Variants in CEP112 observed in about 807,000 individuals in gnomAD.
CEP112 encodes the protein centrosomal protein of 112 kDa.
A neutral mutation model predicts 153.0 loss-of-function variants in CEP112; 127 were observed. That is an observed-to-expected ratio of 0.83 (90% CI 0.72 to 0.96). The LOEUF (loss-of-function observed/expected upper bound fraction) is 0.96. Ranked by LOEUF, CEP112 falls within the 40% of genes least tolerant of loss-of-function variation. The pLI is 0.00. For synonymous variants in CEP112, 358 were observed against 374.4 expected (o/e 0.96, Z 0.51); for missense variants, 1,089 against 1,101.2 (o/e 0.99, Z 0.16).
At chr17:66,062,300 A>G (rs1256464891) in intron 11 of CEP112, among the ~76,000 whole-genome samples, 1 of 152,122 alleles carries the variant, frequency 6.6e-6, no homozygotes, top group Non-Finnish European at 1.5e-5. Flanking sequence ...AAAATGGACA[A>G]TAATATAGGA....
At chr17:65,716,085 A>T (rs1442957469) in intron 23 of CEP112, among the ~76,000 whole-genome samples, 1 of 152,212 alleles carries the variant, frequency 6.6e-6, no homozygotes, top group East Asian at 1.9e-4. Flanking sequence ...CTGGATATAA[A>T]GCAAAGAATA....
intron 21 of CEP112, among the ~76,000 whole-genome samples, chr17:65,771,296 G>A (rs2053342411): frequency 1.3e-5 from 2 of 151,906 alleles, no homozygotes; most frequent in African/African-American, 2.4e-5. Context: ...AGATACAGAG[G>A]GGCATTTCAC....
At chr17:65,971,347 T>C (rs1414674947) in intron 17 of CEP112, among the ~76,000 whole-genome samples, 3 of 152,224 alleles carry the variant, frequency 2.0e-5, no homozygotes, top group Admixed American at 6.5e-5. Flanking sequence ...TGTATATGTA[T>C]TTCAGGAACA....
At chr17:65,906,560 T>C (rs1568206277) in intron 19 of CEP112, among the ~76,000 whole-genome samples, 1 of 152,182 alleles carries the variant, frequency 6.6e-6, no homozygotes, top group Non-Finnish European at 1.5e-5. Context: ...AAATGTATTT[T>C]GCATCTCAGA....
intron 18 of CEP112, among the ~76,000 whole-genome samples, chr17:65,959,826 T>C (rs2062133265): frequency 6.6e-6 from 1 of 152,222 alleles, no homozygotes. Context: ...CTTGCTCACA[T>C]ACCCCTTGCT....
Position 65,696,723 on chromosome 17 carries a change from G to C in CEP112, c.2608-7505C>G, listed in dbSNP as rs530674035. ...CAAACTGCGGGCAACTGCTTGAAGC[G>C]GGGTGATGGGTAGATGGCGGATCTG... On this transcript the variant is annotated intron_variant, in intron 23 of 26. Coordinates refer to ENST00000535342, the MANE Select transcript of CEP112 (RefSeq NM_001199165.4). 7.2e-5 allele frequency among the ~76,000 whole-genome samples: 11 copies of C among 152,244 alleles called. No individual in the cohort carries two copies. In the East Asian group the frequency reaches 1.2e-3, roughly 16 times the overall value.
chr17:65,763,710 G>C (rs2052751999), intron 21 of CEP112, among the ~76,000 whole-genome samples: 1 of 151,676 alleles, frequency 6.6e-6, no homozygotes, highest in African/African-American at 2.4e-5. Flanking sequence ...ATCTCTTCTT[G>C]CATGCCATCT....
chr17:65,640,595 T>C (rs559764887), intron 25 of CEP112, among the ~76,000 whole-genome samples: 12 of 152,336 alleles, frequency 7.9e-5, no homozygotes, highest in Middle Eastern at 3.4e-3. Flanking sequence ...CTAACATAAC[T>C]GTGCTTTCAA....
chr17:65,878,835 A>AAG (rs1278671758), intron 20 of CEP112, among the ~76,000 whole-genome samples: 1 of 147,116 alleles, frequency 6.8e-6, no homozygotes, highest in Non-Finnish European at 1.5e-5. Flanking sequence ...CTCTTCCCTA[A>AAG]AAAAAAAAAA....
intron 21 of CEP112, 70 bp downstream of exon 21, chr17:65,851,734 T>TA: frequency 9.3e-7 from 1 of 1,075,552 alleles, no homozygotes; most frequent in Non-Finnish European, 1.4e-6. Flanking sequence ...AGATTAAATA[T>TA]AAGGGTGGTG....
At chr17:65,749,390 C>T (rs975858720) in intron 22 of CEP112, among the ~76,000 whole-genome samples, 27 of 152,008 alleles carry the variant, frequency 1.8e-4, no homozygotes, top group African/African-American at 5.8e-4. Context: ...CACCTGTAGT[C>T]CCAGCTACTC....
intron 12 of CEP112, among the ~76,000 whole-genome samples, chr17:66,032,299 C>A (rs1337799374): frequency 1.3e-5 from 2 of 151,040 alleles, no homozygotes; most frequent in African/African-American, 4.9e-5. Context: ...CTGCACCTGG[C>A]CAAATTTGTC....
At chr17:65,884,604 G>A (rs1411766742) in intron 20 of CEP112, among the ~76,000 whole-genome samples, 1 of 151,748 alleles carries the variant, frequency 6.6e-6, no homozygotes, top group Admixed American at 6.6e-5. Context: ...GCTATAGACA[G>A]TCATCTATAG....
intron 8 of CEP112, among the ~76,000 whole-genome samples, chr17:66,089,176 T>C (rs1009394057): frequency 1.3e-5 from 2 of 152,128 alleles, no homozygotes; most frequent in African/African-American, 4.8e-5. Context: ...AATCTCTGGA[T>C]AGGCTCAATG....
chr17:66,152,214 G>A (rs2071240207), intron 4 of CEP112, among the ~76,000 whole-genome samples: 1 of 152,180 alleles, frequency 6.6e-6, no homozygotes, highest in Non-Finnish European at 1.5e-5. Context: ...TCTGGAATTT[G>A]AGGATATTGC....
At chr17:66,063,818 A>G (rs971143357) in intron 10 of CEP112, among the ~76,000 whole-genome samples, 1 of 152,132 alleles carries the variant, frequency 6.6e-6, no homozygotes, top group Admixed American at 6.5e-5. Flanking sequence ...TCCCACTTGC[A>G]TGTTTTAAAC....
At chr17:65,874,667 T>C (rs1484911881) in intron 20 of CEP112, among the ~76,000 whole-genome samples, 1 of 152,142 alleles carries the variant, frequency 6.6e-6, no homozygotes, top group East Asian at 1.9e-4. Context: ...AGATTTATTA[T>C]GAAAATTTTG....
intron 6 of CEP112, among the ~76,000 whole-genome samples, chr17:66,113,823 A>G (rs992119305): frequency 3.9e-5 from 6 of 152,216 alleles, no homozygotes; most frequent in Non-Finnish European, 7.3e-5. Flanking sequence ...ATGGTAAAGC[A>G]TGTTCTTGAG....
chr17:66,122,684 G>T (rs2069656834), intron 6 of CEP112, among the ~76,000 whole-genome samples: 2 of 152,056 alleles, frequency 1.3e-5, no homozygotes, highest in African/African-American at 4.8e-5. Context: ...TCTACTAATT[G>T]CTGGCTGTTT....
Sources: allele counts gnomAD v4.1 joint callset (sites outside exome capture counted in the v4.1 genomes callset), GRCh38; gene constraint gnomAD v4.1.1; transcripts MANE v1.5; gene names NCBI Gene and HGNC (gene_info 2026-07-23, HGNC 2026-07-21).